The following RAPGEF6 variants were observed in gnomAD, a reference collection of about 807,000 sequenced individuals.
The protein encoded by RAPGEF6 is PDZ domain containing guanine nucleotide exchange factor (GEF) 2.
Under a neutral mutation model 171.4 loss-of-function variants are expected in RAPGEF6, and 56 were observed. The ratio of observed to expected loss-of-function variants is 0.33; its 90% CI spans 0.26 to 0.41. The LOEUF is 0.41. Among genes scored for constraint, RAPGEF6 ranks in the 10% least tolerant of loss-of-function variants. RAPGEF6 has a pLI of 1.00. For synonymous variants in RAPGEF6, 692 were observed against 650.1 expected (o/e 1.06, Z -0.98); for missense variants, 1,674 against 1,921.4 (o/e 0.87, Z 2.41).
At chr5:131,522,389 C>T (rs1006333141) in intron 6 of RAPGEF6, among the ~76,000 whole-genome samples, 1 of 152,114 alleles carries the variant, frequency 6.6e-6, no homozygotes, top group Non-Finnish European at 1.5e-5. Context: ...CTGCAACTTG[C>T]TATTCAGGGC....
intron 17 of RAPGEF6, among the ~76,000 whole-genome samples, chr5:131,465,537 T>TTCC (rs1413977697): frequency 4.6e-5 from 7 of 152,142 alleles, no homozygotes; most frequent in Admixed American, 2.0e-4. Flanking sequence ...ATCCCAGGAC[T>TTCC]TTGGGAGGCC....
intron 1 of RAPGEF6, among the ~76,000 whole-genome samples, chr5:131,633,532 C>A (rs1766444772): frequency 5.9e-5 from 9 of 152,044 alleles, no homozygotes. Context: ...GAGTTTGAGA[C>A]CACCCTGGGC....
chr5:131,536,141 T>C (rs2149932303), intron 6 of RAPGEF6, among the ~76,000 whole-genome samples: 1 of 152,314 alleles, frequency 6.6e-6, no homozygotes, highest in South Asian at 2.1e-4. Flanking sequence ...TTCATTTCTG[T>C]ATTTTAGTTA....
intron 1 of RAPGEF6, among the ~76,000 whole-genome samples, chr5:131,630,550 T>C (rs541091893): frequency 6.6e-6 from 1 of 152,352 alleles, no homozygotes; most frequent in African/African-American, 2.4e-5. Context: ...CATAAGAATA[T>C]CTTTGCAAAT....
chr5:131,593,757 G>A (rs143427954), intron 3 of RAPGEF6, among the ~76,000 whole-genome samples: 3 of 152,350 alleles, frequency 2.0e-5, no homozygotes, highest in African/African-American at 7.2e-5. Context: ...CTTGAGACAT[G>A]ATTTAGGGTA....
rs150173888 is a variant in RAPGEF6, at chr5:131,453,455, A to G, written c.3077-278T>C. 9.0e-4 allele frequency among the ~76,000 whole-genome samples: 137 copies of G among 152,168 alleles called. 1 individual carries two copies. Among genetic ancestry groups the G allele is most frequent in the South Asian group, 3.7e-3 (18 of 4,826 alleles). On this transcript the variant is annotated intron_variant, in intron 20 of 27. Coordinates refer to ENST00000509018, the MANE Select transcript of RAPGEF6 (RefSeq NM_016340.6). Reference sequence around the variant, plus strand: ...ACCAGTTTCATGGGCTCGGGGCACAATGGCTCCCACTTGTAATCCCAGCAC... The same window carrying G: ...ACCAGTTTCATGGGCTCGGGGCACAGTGGCTCCCACTTGTAATCCCAGCAC...
Position 131,557,912 on chromosome 5 carries a change from T to C in RAPGEF6, c.351+4066A>G, listed in dbSNP as rs745578477. Among the ~76,000 whole-genome samples, 161 of 152,298 alleles carry C rather than the reference T, an allele frequency of 1.1e-3. 1 individual carries two copies. The highest frequency in any genetic ancestry group is 3.9e-4 in the Admixed American group (6 of 15,298). On this transcript the variant is annotated intron_variant, in intron 5 of 27. Coordinates refer to ENST00000509018, the MANE Select transcript of RAPGEF6 (RefSeq NM_016340.6). ...ATTACTGAAATTGGACTACCTAAAATGTTAAGATTTTTACATTTATTTTCA... is the reference window on the plus strand; with the variant it reads ...ATTACTGAAATTGGACTACCTAAAACGTTAAGATTTTTACATTTATTTTCA...
chr5:131,575,113 A>G (rs1261609053), intron 4 of RAPGEF6, among the ~76,000 whole-genome samples: 1 of 151,916 alleles, frequency 6.6e-6, no homozygotes, highest in Admixed American at 6.6e-5. Flanking sequence ...TCTGTCCTCG[A>G]CCTCAAAGAT....
intron 14 of RAPGEF6, 128 bp downstream of exon 14, chr5:131,492,454 T>C: frequency 4.8e-6 from 4 of 826,486 alleles, no homozygotes; most frequent in Non-Finnish European, 5.8e-6. Context: ...ATGCAGATAC[T>C]ACCTCTAAAA....
chr5:131,542,480 C>G (rs975807391), intron 6 of RAPGEF6, among the ~76,000 whole-genome samples: 4 of 152,118 alleles, frequency 2.6e-5, no homozygotes, highest in African/African-American at 9.7e-5. Flanking sequence ...ACAGAACAGG[C>G]ACTCTTATTT....
intron 26 of RAPGEF6, among the ~76,000 whole-genome samples, chr5:131,430,177 G>T (rs917367400): frequency 6.6e-6 from 1 of 152,048 alleles, no homozygotes; most frequent in Non-Finnish European, 1.5e-5. Flanking sequence ...GCGACACCAT[G>T]ACTGTTGCAT....
intron 1 of RAPGEF6, among the ~76,000 whole-genome samples, chr5:131,619,318 G>A (rs148785924): frequency 2.0e-3 from 298 of 152,240 alleles, no homozygotes; most frequent in African/African-American, 6.9e-3. Flanking sequence ...CTGTTGCGGC[G>A]GGGCTGGAGG....
chr5:131,499,626 A>G (rs1006221238), intron 11 of RAPGEF6, among the ~76,000 whole-genome samples: 1 of 151,266 alleles, frequency 6.6e-6, no homozygotes, highest in Non-Finnish European at 1.5e-5. Flanking sequence ...AAATTTCCAT[A>G]CTGCTCTTCT....
chr5:131,464,407 A>G, intron 17 of RAPGEF6, 126 bp from the exon 18 acceptor site: 1 of 712,758 alleles, frequency 1.4e-6, no homozygotes, highest in Non-Finnish European at 2.4e-6. Context: ...TCACAATATT[A>G]ACAGAAGTCA....
At chr5:131,604,760 C>G (rs1764450577) in intron 1 of RAPGEF6, 67 bp from the exon 2 acceptor site, 3 of 1,497,340 alleles carry the variant, frequency 2.0e-6, no homozygotes, top group African/African-American at 1.4e-5. Flanking sequence ...AGGCACCCCA[C>G]AATTCTGATT....
At chr5:131,485,482 C>G (rs912027101) in intron 15 of RAPGEF6, among the ~76,000 whole-genome samples, 2 of 152,184 alleles carry the variant, frequency 1.3e-5, no homozygotes, top group Non-Finnish European at 2.9e-5. Flanking sequence ...CTCCACAGGA[C>G]AACTGCTATT....
rs182072483 is a variant in RAPGEF6 at position 131,614,459 on chromosome 5, C to T, written c.70-9766G>A. On this transcript the variant is annotated intron_variant, in intron 1 of 27. Coordinates refer to ENST00000509018, the MANE Select transcript of RAPGEF6 (RefSeq NM_016340.6). ...AGGTGAAAGGGAAGCAAGCACATCTCGACATAGCCAGCAGGAGAGAGACAG... is the reference window on the plus strand; with the variant it reads ...AGGTGAAAGGGAAGCAAGCACATCTTGACATAGCCAGCAGGAGAGAGACAG... Among the ~76,000 whole-genome samples, 731 of 152,104 alleles carry T rather than the reference C, an allele frequency of 4.8e-3. 4 individuals are homozygous for T. The highest frequency in any genetic ancestry group is 0.017 in the African/African-American group (687 of 41,486).
intron 4 of RAPGEF6, among the ~76,000 whole-genome samples, chr5:131,564,105 G>C (rs552465856): frequency 6.6e-6 from 1 of 152,168 alleles, no homozygotes; most frequent in Non-Finnish European, 1.5e-5. Context: ...CAAGAGAAGC[G>C]TAACACAGCC....
At chr5:131,607,697 T>A (rs764464820) in intron 1 of RAPGEF6, among the ~76,000 whole-genome samples, 67 of 151,968 alleles carry the variant, frequency 4.4e-4, no homozygotes, top group Non-Finnish European at 1.9e-4. Context: ...ACCCTTAGAG[T>A]CCTTGGTAAC....
Sources: gnomAD v4.1 joint callset for allele counts (sites outside exome capture counted in the v4.1 genomes callset) on GRCh38, gnomAD v4.1.1 for gene constraint, MANE v1.5 for transcripts, NCBI Gene and HGNC (gene_info 2026-07-23, HGNC 2026-07-21) for gene names.